The following HECW1 variants were observed in gnomAD, a reference collection of about 807,000 sequenced individuals.
The protein encoded by HECW1 is E3 ubiquitin-protein ligase HECW1.
HECW1 carries 61 observed loss-of-function variants against 182.3 expected under a neutral mutation model. The ratio of observed to expected loss-of-function variants is 0.33; its 90% CI spans 0.27 to 0.41. The LOEUF is 0.41. Ranked by LOEUF, HECW1 falls within the 10% of genes least tolerant of loss-of-function variation. The pLI is 1.00. For synonymous variants in HECW1, 859 were observed against 832.6 expected (o/e 1.03, Z -0.55); for missense variants, 1,739 against 2,108.9 (o/e 0.82, Z 3.44).
At chr7:43,126,261 C>A (rs545483919) in intron 2 of HECW1, among the ~76,000 whole-genome samples, 22 of 152,088 alleles carry the variant, frequency 1.4e-4, no homozygotes, top group Admixed American at 1.3e-3. Context: ...TATCTCTTCC[C>A]CACCACTAGA....
chr7:43,424,197 C>T (rs759154602), intron 8 of HECW1, among the ~76,000 whole-genome samples: 2 of 152,180 alleles, frequency 1.3e-5, no homozygotes, highest in Non-Finnish European at 1.5e-5. Context: ...CTCCATCAGG[C>T]TTGTCTTGCT....
At chr7:43,184,747 A>G (rs188356089) in intron 2 of HECW1, among the ~76,000 whole-genome samples, 4 of 152,300 alleles carry the variant, frequency 2.6e-5, no homozygotes, top group Non-Finnish European at 5.9e-5. Flanking sequence ...GGTAATTTAC[A>G]AAGAGAAGAG....
intron 17 of HECW1, among the ~76,000 whole-genome samples, chr7:43,487,874 G>A (rs1181114427): frequency 6.6e-6 from 1 of 151,918 alleles, no homozygotes; most frequent in Non-Finnish European, 1.5e-5. Context: ...CAGGAAGATT[G>A]CTTGGGCCCA....
chr7:43,294,213 G>T (rs1320158193), intron 3 of HECW1, among the ~76,000 whole-genome samples: 2 of 152,232 alleles, frequency 1.3e-5, no homozygotes, highest in Admixed American at 6.5e-5. Context: ...AGGAAAAAGG[G>T]TGCTGCATCT....
chr7:43,218,960 G>A (rs1796696691), intron 2 of HECW1, among the ~76,000 whole-genome samples: 1 of 152,156 alleles, frequency 6.6e-6, no homozygotes, highest in Non-Finnish European at 1.5e-5. Flanking sequence ...CCAAGAGAGG[G>A]AACTCACCTG....
chr7:43,403,986 G>A (rs906736744), intron 7 of HECW1, among the ~76,000 whole-genome samples: 1 of 152,042 alleles, frequency 6.6e-6, no homozygotes, highest in Non-Finnish European at 1.5e-5. Context: ...CTTTAACGTA[G>A]CATTTACTTT....
At chr7:43,340,304 G>T (rs909697713) in intron 5 of HECW1, among the ~76,000 whole-genome samples, 1 of 142,296 alleles carries the variant, frequency 7.0e-6, no homozygotes, top group African/African-American at 2.8e-5. Flanking sequence ...CACTGCAACC[G>T]CTGCCTCCCG....
At chr7:43,216,032 T>A (rs1458398689) in intron 2 of HECW1, among the ~76,000 whole-genome samples, 14 of 152,216 alleles carry the variant, frequency 9.2e-5, no homozygotes. Context: ...TCTCTGGCCC[T>A]GAGTCAGGTA....
At chr7:43,517,769 G>A (rs2080234712) in intron 24 of HECW1, among the ~76,000 whole-genome samples, 1 of 152,072 alleles carries the variant, frequency 6.6e-6, no homozygotes, top group Non-Finnish European at 1.5e-5. Flanking sequence ...ACACCTACAA[G>A]AGCTTTGCTG....
At chr7:43,207,281 A>G (rs997199086) in intron 2 of HECW1, among the ~76,000 whole-genome samples, 2 of 152,144 alleles carry the variant, frequency 1.3e-5, no homozygotes, top group Admixed American at 1.3e-4. Flanking sequence ...TCTTGACCTC[A>G]AGTGCTCTGC....
At chr7:43,306,991 T>C (rs557771034) in intron 3 of HECW1, among the ~76,000 whole-genome samples, 17 of 152,168 alleles carry the variant, frequency 1.1e-4, no homozygotes, top group Non-Finnish European at 2.2e-4. Flanking sequence ...ATTCAAAACA[T>C]TTCAACAATT....
At chr7:43,461,399 A>C (rs1729016361) in intron 13 of HECW1, among the ~76,000 whole-genome samples, 1 of 152,240 alleles carries the variant, frequency 6.6e-6, no homozygotes, top group African/African-American at 2.4e-5. Context: ...TCTACCTTTT[A>C]AAAGGAGAGA....
chr7:43,556,677 G>T (rs2082035770), intron 29 of HECW1, among the ~76,000 whole-genome samples: 1 of 149,270 alleles, frequency 6.7e-6, no homozygotes, highest in Non-Finnish European at 1.5e-5. Context: ...AACAGAGTGA[G>T]ACCTTGTCTC....
intron 2 of HECW1, chr7:43,241,612 ATGTATGTG>A (rs1554323951): frequency 0.04 from 4,571 of 115,038 alleles, 76 homozygotes; most frequent in South Asian, 0.056. Context: ...TACTCTCCTA[ATGTATGTG>A]TGTGTGTGTG....
At chr7:43,240,294 G>C (rs570090254) in intron 2 of HECW1, among the ~76,000 whole-genome samples, 85 of 151,964 alleles carry the variant, frequency 5.6e-4, no homozygotes, top group Middle Eastern at 3.4e-3. Flanking sequence ...GCCGAGATCT[G>C]GCCACTACAC....
Position 43,170,360 on chromosome 7 carries a change from C to T in HECW1, c.-32+55969C>T, listed in dbSNP as rs73314742. On this transcript the variant is annotated intron_variant, in intron 2 of 29. Coordinates refer to ENST00000395891, the MANE Select transcript of HECW1 (RefSeq NM_015052.5). ...GAATCATCTCAAAATCATCCTCCCC[C>T]ACCCCTGTCTGTGGAAAAATTGTTT... is the stretch of plus-strand genomic sequence containing the variant. 2.0e-5 allele frequency among the ~76,000 whole-genome samples: 3 copies of T among 152,118 alleles called. No individual in the cohort carries two copies. In the East Asian group the frequency reaches 5.8e-4, roughly 29 times the overall value.
chr7:43,550,649 C>T, intron 27 of HECW1, 58 bp downstream of exon 27: 1 of 1,514,796 alleles, frequency 6.6e-7, no homozygotes, highest in Non-Finnish European at 8.9e-7. Flanking sequence ...TTCACGGGGC[C>T]TCATCCTCCA....
chr7:43,185,078 T>C (rs72585564), intron 2 of HECW1, among the ~76,000 whole-genome samples: 38 of 152,046 alleles, frequency 2.5e-4, no homozygotes, highest in Non-Finnish European at 4.3e-4. Context: ...GAAATTTGTG[T>C]GGGGATGCAG....
At chr7:43,376,191 C>T (rs2152823587) in intron 6 of HECW1, among the ~76,000 whole-genome samples, 1 of 151,992 alleles carries the variant, frequency 6.6e-6, no homozygotes, top group East Asian at 1.9e-4. Context: ...CCAAAATAAG[C>T]GTGTAAGATG....
Sources: allele counts gnomAD v4.1 joint callset (sites outside exome capture counted in the v4.1 genomes callset), GRCh38; gene constraint gnomAD v4.1.1; transcripts MANE v1.5; gene names NCBI Gene and HGNC (gene_info 2026-07-23, HGNC 2026-07-21).